The following TBC1D19 variants were observed in gnomAD, a reference collection of about 807,000 sequenced individuals.
TBC1D19 encodes TBC1 domain family, member 19.
In TBC1D19, 60 loss-of-function variants were observed where a neutral mutation model predicts 89.0. That is an observed-to-expected ratio of 0.67 (90% confidence interval 0.55 to 0.84). TBC1D19 has a LOEUF of 0.84. Among genes scored for constraint, TBC1D19 ranks in the 40% least tolerant of loss-of-function variants. The probability of loss-of-function intolerance (pLI) is 0.00; values close to 1 mark genes in which losing one functional copy is unlikely to be tolerated. For missense variants in TBC1D19, 500 were observed against 610.8 expected (o/e 0.82, Z 1.91); for synonymous variants, 189 against 199.7 (o/e 0.95, Z 0.45).
chr4:26,837,144 T>C, the TBC1D19 span, among the ~76,000 whole-genome samples: 11 of 152,096 alleles, frequency 7.2e-5, no homozygotes, highest in Non-Finnish European at 1.6e-4. Flanking sequence ...AGTGAATGAA[T>C]AGGAGAGTGG....
chr4:26,667,619 A>G (rs571707500), intron 9 of TBC1D19, among the ~76,000 whole-genome samples: 16 of 152,164 alleles, frequency 1.1e-4, no homozygotes, highest in Admixed American at 9.2e-4. Context: ...GGGAAGTTGC[A>G]AGTTTGAGGA....
the TBC1D19 span, among the ~76,000 whole-genome samples, chr4:26,841,808 C>T: frequency 3.9e-5 from 6 of 152,204 alleles, no homozygotes; most frequent in South Asian, 2.1e-4. Context: ...AGACACCATC[C>T]GGGGTCAAGC....
Position 26,726,538 on chromosome 4 carries a change from C to T in TBC1D19, c.1084+6413C>T, listed in dbSNP as rs9996481. The stretch of plus-strand genomic sequence containing the variant: ...CCTATGTTTTGTGAAATTTTAACTA[C>T]TGAAATAGAGTAACAAAACCATAAT... On this transcript the variant is annotated intron_variant, in intron 15 of 20. Coordinates refer to ENST00000264866, the MANE Select transcript of TBC1D19 (RefSeq NM_018317.4). 5.6e-3 allele frequency among the ~76,000 whole-genome samples: 857 copies of T among 152,190 alleles called. 9 individuals carry two copies. Among genetic ancestry groups the T allele is most frequent in the African/African-American group, 0.019 (803 of 41,534 alleles).
the TBC1D19 span, among the ~76,000 whole-genome samples, chr4:26,819,259 C>A: frequency 6.6e-6 from 1 of 152,166 alleles, no homozygotes; most frequent in Non-Finnish European, 1.5e-5. Flanking sequence ...AGTTTGGGCA[C>A]CAGTGGGGTG....
chr4:26,760,516 G>T (rs1036441049), downstream of TBC1D19, among the ~76,000 whole-genome samples: 2 of 152,164 alleles, frequency 1.3e-5, no homozygotes, highest in African/African-American at 4.8e-5. Context: ...GGTTAAGGCT[G>T]CAGTGAGCTG....
At chr4:26,586,171 C>CT (rs57229787) in intron 1 of TBC1D19, among the ~76,000 whole-genome samples, 4,586 of 52,148 alleles carry the variant, frequency 0.088, 262 homozygotes, top group African/African-American at 0.15. Context: ...GCAAGGTAAG[C>CT]TTTTTTTTTT....
At chr4:26,624,487 G>T (rs183497085) in intron 4 of TBC1D19, among the ~76,000 whole-genome samples, 3 of 152,174 alleles carry the variant, frequency 2.0e-5, no homozygotes, top group African/African-American at 7.2e-5. Flanking sequence ...TGGGATTACA[G>T]GCGTGAGCCA....
At chr4:26,628,974 C>A (rs1742617343) in intron 4 of TBC1D19, among the ~76,000 whole-genome samples, 1 of 152,046 alleles carries the variant, frequency 6.6e-6, no homozygotes, top group Non-Finnish European at 1.5e-5. Flanking sequence ...CCATCAAATT[C>A]TTTATTATGG....
At chr4:26,618,978 A>G (rs11944695) in intron 3 of TBC1D19, among the ~76,000 whole-genome samples, 6,942 of 152,248 alleles carry the variant, frequency 0.046, 545 homozygotes, top group African/African-American at 0.16. Context: ...TGTAAGCTCC[A>G]TGAGGGCAGG....
At chr4:26,852,324 C>T in the TBC1D19 span, among the ~76,000 whole-genome samples, 4 of 152,080 alleles carry the variant, frequency 2.6e-5, no homozygotes, top group East Asian at 3.9e-4. Context: ...GAGACCAAGG[C>T]GGGAGGATTA....
the TBC1D19 span, among the ~76,000 whole-genome samples, chr4:26,810,320 C>T: frequency 1.7e-4 from 26 of 152,310 alleles, no homozygotes; most frequent in Admixed American, 4.6e-4. Context: ...GTCTCAGAAT[C>T]GCTTCTGTGG....
intron 15 of TBC1D19, among the ~76,000 whole-genome samples, chr4:26,720,974 A>G (rs890833936): frequency 6.6e-6 from 1 of 152,136 alleles, no homozygotes; most frequent in African/African-American, 2.4e-5. Context: ...CACTATATCT[A>G]AAACTCATAC....
At chr4:26,677,357 C>T (rs1383101628) in intron 11 of TBC1D19, among the ~76,000 whole-genome samples, 2 of 148,532 alleles carry the variant, frequency 1.3e-5, no homozygotes, top group East Asian at 2.0e-4. Flanking sequence ...CTCACTCTGT[C>T]GTCTAGGCTG....
chr4:26,581,823 T>G (rs1367778910), upstream of TBC1D19, among the ~76,000 whole-genome samples: 1 of 152,214 alleles, frequency 6.6e-6, no homozygotes, highest in Non-Finnish European at 1.5e-5. Context: ...TTGTATTCCT[T>G]GCCATTTCTT....
At chr4:26,664,628 CTTTT>C (rs34385885) in intron 8 of TBC1D19, among the ~76,000 whole-genome samples, 1 of 136,206 alleles carries the variant, frequency 7.3e-6, no homozygotes. Flanking sequence ...AGATGCAGTA[CTTTT>C]TTTTTTTTTT....
chr4:26,633,265 A>G (rs928782000), intron 4 of TBC1D19, among the ~76,000 whole-genome samples: 13 of 152,094 alleles, frequency 8.5e-5, no homozygotes, highest in African/African-American at 3.1e-4. Flanking sequence ...AGGATGCTGT[A>G]TATAATGAGC....
At chr4:26,681,993 T>G (rs1713387187) in intron 11 of TBC1D19, among the ~76,000 whole-genome samples, 1 of 152,156 alleles carries the variant, frequency 6.6e-6, no homozygotes, top group African/African-American at 2.4e-5. Context: ...CAAATAATAT[T>G]AATTATTTTG....
At position 26,640,191 on chromosome 4, in the gene TBC1D19, G is replaced by A; in HGVS notation, c.480+4G>A. On this transcript the variant is annotated splice_donor_region_variant and intron_variant, in intron 7 of 20. Coordinates refer to ENST00000264866, the MANE Select transcript of TBC1D19 (RefSeq NM_018317.4). Reference sequence around the variant, plus strand: ...TGCACCTAAGGATTTTCTTGAGGTAGGTTCTATTGGATAAATACACATATA... The same window carrying A: ...TGCACCTAAGGATTTTCTTGAGGTAAGTTCTATTGGATAAATACACATATA... 1 of 1,600,288 alleles carries A rather than the reference G, an allele frequency of 6.2e-7. No individual in the cohort carries two copies. The highest frequency in any genetic ancestry group is 8.6e-7 in the Non-Finnish European group (1 of 1,168,494).
At chr4:26,687,996 C>T (rs915544100) in intron 12 of TBC1D19, among the ~76,000 whole-genome samples, 3 of 152,074 alleles carry the variant, frequency 2.0e-5, no homozygotes, top group Non-Finnish European at 2.9e-5. Context: ...GAGATTGGAA[C>T]AGTAATTTGG....
Sources: gnomAD v4.1 joint callset for allele counts (sites outside exome capture counted in the v4.1 genomes callset) on GRCh38, gnomAD v4.1.1 for gene constraint, MANE v1.5 for transcripts, NCBI Gene and HGNC (gene_info 2026-07-23, HGNC 2026-07-21) for gene names.